Variants in NRG3 observed in about 807,000 individuals in gnomAD.
NRG3 encodes the protein neuregulin 3.
Under a neutral mutation model 66.9 loss-of-function variants are expected in NRG3, and 31 were observed. The observed-to-expected ratio is 0.46, with a 90% CI of 0.35 to 0.63. The LOEUF is 0.63. Ranked by LOEUF, NRG3 falls within the 20% of genes least tolerant of loss-of-function variation. The pLI is 0.00. For missense variants in NRG3, 910 were observed against 878.9 expected (o/e 1.04, Z -0.45); for synonymous variants, 393 against 359.4 (o/e 1.09, Z -1.06).
chr10:82,377,203 G>A (rs750070911), intron 2 of NRG3, among the ~76,000 whole-genome samples: 31 of 152,240 alleles, frequency 2.0e-4, no homozygotes, highest in Non-Finnish European at 3.7e-4. Flanking sequence ...AATATTAAGC[G>A]ATCGAATAAC....
chr10:82,578,115 T>G (rs2046140752), intron 2 of NRG3, among the ~76,000 whole-genome samples: 1 of 151,394 alleles, frequency 6.6e-6, no homozygotes, highest in South Asian at 2.1e-4. Flanking sequence ...GCAGTCACCC[T>G]CCTTTCAATA....
At chr10:82,765,404 A>G (rs989524042) in intron 3 of NRG3, among the ~76,000 whole-genome samples, 2 of 152,160 alleles carry the variant, frequency 1.3e-5, no homozygotes, top group African/African-American at 4.8e-5. Context: ...CACATGATAC[A>G]AATGTTAGAA....
intron 2 of NRG3, among the ~76,000 whole-genome samples, chr10:82,449,921 A>T (rs1590173975): frequency 6.6e-6 from 1 of 152,166 alleles, no homozygotes; most frequent in Non-Finnish European, 1.5e-5. Context: ...GTGACATGAT[A>T]CACTCTTCTC....
intron 1 of NRG3, among the ~76,000 whole-genome samples, chr10:81,949,957 G>A (rs1466477859): frequency 3.3e-5 from 5 of 152,116 alleles, no homozygotes; most frequent in African/African-American, 7.2e-5. Flanking sequence ...TAACCCAAGC[G>A]GGGCTGCACT....
intron 2 of NRG3, among the ~76,000 whole-genome samples, chr10:82,591,405 C>T (rs2046977015): frequency 1.3e-5 from 2 of 152,146 alleles, no homozygotes; most frequent in African/African-American, 4.8e-5. Flanking sequence ...CCATGATAAA[C>T]ATTCATAGTT....
At chr10:82,052,448 G>C (rs189704331) in intron 1 of NRG3, among the ~76,000 whole-genome samples, 1 of 152,238 alleles carries the variant, frequency 6.6e-6, no homozygotes, top group Non-Finnish European at 1.5e-5. Flanking sequence ...CAGGAGGAAT[G>C]GGCCATCATT....
chr10:82,306,642 T>A (rs1328507497), intron 1 of NRG3, among the ~76,000 whole-genome samples: 1 of 136,766 alleles, frequency 7.3e-6, no homozygotes, highest in African/African-American at 2.8e-5. Context: ...AGGCAGAGCT[T>A]TCAGTGAGCC....
At chr10:82,301,603 T>A (rs1474622911) in intron 1 of NRG3, among the ~76,000 whole-genome samples, 2 of 151,320 alleles carry the variant, frequency 1.3e-5, no homozygotes, top group Admixed American at 1.3e-4. Flanking sequence ...CTACAATTAT[T>A]TTTATCACAT....
chr10:82,803,114 A>C (rs554902238), intron 3 of NRG3, among the ~76,000 whole-genome samples: 1 of 152,252 alleles, frequency 6.6e-6, no homozygotes, highest in East Asian at 1.9e-4. Flanking sequence ...TAAGGGAGGA[A>C]TTTTGCATTC....
At chr10:82,625,770 T>C (rs897448477) in intron 2 of NRG3, among the ~76,000 whole-genome samples, 6 of 152,196 alleles carry the variant, frequency 3.9e-5, no homozygotes, top group African/African-American at 1.4e-4. Flanking sequence ...TGGAAACATA[T>C]TGTATGTTGG....
At chr10:82,711,810 C>T (rs2056686363) in intron 2 of NRG3, among the ~76,000 whole-genome samples, 1 of 152,064 alleles carries the variant, frequency 6.6e-6, no homozygotes, top group Admixed American at 6.6e-5. Context: ...CTCTTGGATC[C>T]CCATTGTGTA....
At chr10:82,122,705 C>A (rs553019819) in intron 1 of NRG3, among the ~76,000 whole-genome samples, 1 of 152,234 alleles carries the variant, frequency 6.6e-6, no homozygotes, top group East Asian at 1.9e-4. Context: ...TAAAAGGAAA[C>A]ATAATGGTCT....
At chr10:82,857,462 C>T (rs187638043) in intron 3 of NRG3, among the ~76,000 whole-genome samples, 10 of 152,234 alleles carry the variant, frequency 6.6e-5, no homozygotes, top group Non-Finnish European at 1.2e-4. Flanking sequence ...GTAATAATGT[C>T]GTGACCTACT....
intron 1 of NRG3, among the ~76,000 whole-genome samples, chr10:82,142,229 A>G (rs948846561): frequency 3.1e-4 from 47 of 152,242 alleles, no homozygotes; most frequent in African/African-American, 9.6e-4. Flanking sequence ...GCAAATGCTG[A>G]TGACTATTGC....
chr10:82,224,541 T>C (rs1189219930), intron 1 of NRG3, among the ~76,000 whole-genome samples: 1 of 152,196 alleles, frequency 6.6e-6, no homozygotes, highest in Admixed American at 6.5e-5. Flanking sequence ...CACAATTCTT[T>C]TAAGTAAGTC....
intron 5 of NRG3, among the ~76,000 whole-genome samples, chr10:82,955,898 G>A (rs934378404): frequency 2.0e-5 from 3 of 151,876 alleles, no homozygotes; most frequent in Non-Finnish European, 4.4e-5. Flanking sequence ...ATGAGGCTCT[G>A]AAGACCTAGA....
chr10:82,886,027 A>G (rs1045743426), intron 4 of NRG3, among the ~76,000 whole-genome samples: 2 of 150,390 alleles, frequency 1.3e-5, no homozygotes, highest in African/African-American at 2.5e-5. Flanking sequence ...ATGCGCCACC[A>G]CCCCCAGCTA....
At chr10:82,377,403 AAGAG>A (rs903602321) in intron 2 of NRG3, among the ~76,000 whole-genome samples, 14 of 150,416 alleles carry the variant, frequency 9.3e-5, no homozygotes, top group African/African-American at 2.7e-4. Flanking sequence ...ATCTGAGAGA[AAGAG>A]AGAGAGAGGT....
intron 1 of NRG3, among the ~76,000 whole-genome samples, chr10:81,935,349 A>G (rs973907691): frequency 1.3e-5 from 2 of 152,188 alleles, no homozygotes; most frequent in South Asian, 4.1e-4. Flanking sequence ...ATAATTTGTG[A>G]TGAGTAATTT....
Sources: gnomAD v4.1 joint callset for allele counts (sites outside exome capture counted in the v4.1 genomes callset) on GRCh38, gnomAD v4.1.1 for gene constraint, MANE v1.5 for transcripts, NCBI Gene and HGNC (gene_info 2026-07-23, HGNC 2026-07-21) for gene names.